The following PLRG1 variants were observed in gnomAD, a reference collection of about 807,000 sequenced individuals.
The protein encoded by PLRG1 is pleiotropic regulator 1, also known as pleiotropic regulator 1 (PRL1 homolog, Arabidopsis).
A neutral mutation model predicts 74.9 loss-of-function variants in PLRG1; 28 were observed. The ratio of observed to expected loss-of-function variants is 0.37; its 90% confidence interval spans 0.28 to 0.51. PLRG1 has a LOEUF of 0.51. Ranked by LOEUF, PLRG1 falls within the 20% of genes least tolerant of loss-of-function variation. The pLI is 0.91. For synonymous variants in PLRG1, 197 were observed against 212.4 expected (o/e 0.93, Z 0.63); for missense variants, 445 against 631.9 (o/e 0.70, Z 3.17).
Position 154,548,806 on chromosome 4 carries a change from T to TG in PLRG1, c.116+22dup, listed in dbSNP as rs779801612. ...TTAGAATGTTAAGTATTTTAGCAAT[T>TG]GAAAAAAAAAAACTACACCAACCTC... On this transcript the variant is annotated intron_variant, in intron 2 of 14. Transcript: ENST00000499023. 4.3e-5 allele frequency: 44 copies of TG among 1,020,624 alleles called. No individual in the cohort carries two copies. In the African/African-American group the frequency reaches 6.4e-4, roughly 15 times the overall value. 63.2% of individuals were successfully genotyped at this position (1,020,624 alleles called of 1,614,324 possible). A position where few individuals can be genotyped will look rare whatever the true frequency, so the allele number is the denominator to read the frequency against.
At chr4:154,538,903 A>G (rs1490594116) in intron 12 of PLRG1, 2 of 502,560 alleles carry the variant, frequency 4.0e-6, no homozygotes, top group Non-Finnish European at 7.1e-6. Context: ...GTTATCAAGT[A>G]GAAGGCTTTC....
chr4:154,545,981 C>A, intron 5 of PLRG1, 58 bp from the exon 6 acceptor site: 1 of 1,180,394 alleles, frequency 8.5e-7, no homozygotes, highest in Admixed American at 2.1e-5. Context: ...ATGTATTCTG[C>A]AAAACTAACC....
At position 154,547,753 on chromosome 4, in the gene PLRG1, C is replaced by A. The variant is rs778267997; in HGVS notation, c.217G>T (p.Ala73Ser). 1 of 1,613,078 alleles carries A rather than the reference C, an allele frequency of 6.2e-7. No homozygotes were observed. Among genetic ancestry groups the A allele is most frequent in the East Asian group, 2.2e-5 (1 of 44,846 alleles). The change falls in exon 3 of 15, where the codon GCA becomes TCA. Residue 73 changes from alanine (A) to serine (S), a missense_variant. Ala to Ser is a moderately conservative substitution (Grantham distance 99). Transcript: ENST00000499023. Reference sequence around the variant, plus strand: ...TGTTTATGAACATATGAATCCGTTGCATTCTGAGGACCCTTCTCTTTAAGA... The same window carrying A: ...TGTTTATGAACATATGAATCCGTTGAATTCTGAGGACCCTTCTCTTTAAGA... ...ENLKEKGPQN[A>S]TDSYVHKQYP...
chr4:154,537,207 C>T (rs1393091926), intron 14 of PLRG1, 79 bp downstream of exon 14: 24 of 808,836 alleles, frequency 3.0e-5, no homozygotes, highest in Non-Finnish European at 4.3e-5. Context: ...GATTATTTTT[C>T]CTTCTGATAA....
intron 3 of PLRG1, 35 bp downstream of exon 3, chr4:154,547,676 T>G: frequency 6.3e-7 from 1 of 1,586,132 alleles, no homozygotes; most frequent in Non-Finnish European, 8.6e-7. Flanking sequence ...AAAATTCACA[T>G]ATAAGTCTGA....
At chr4:154,539,050 G>T in intron 12 of PLRG1, 55 bp downstream of exon 12, 1 of 1,023,950 alleles carries the variant, frequency 9.8e-7, no homozygotes, top group Non-Finnish European at 1.6e-6. Context: ...TAGCATTTCA[G>T]CATTATCTTA....
Position 154,548,929 on chromosome 4 carries a change from G to T in PLRG1, c.16C>A (p.Gln6Lys). Residue 6 changes from glutamine (Q) to lysine (K), a missense_variant, in exon 2 of 15, where the codon CAG becomes AAG. Gln to Lys is a moderately conservative substitution (Grantham distance 53). This residue lies in a region of PLRG1 where 18 missense variants were observed against 43.4 expected (regional missense o/e 0.41). Coordinates refer to ENST00000499023, the MANE Select transcript of PLRG1 (RefSeq NM_002669.4). MVEEVQKHSVHTLVFR... is the reference protein window; with the variant it reads MVEEVKKHSVHTLVFR... Reference sequence around the variant, plus strand: ...ACAAGGGTGTGTACAGAATGTTTCTGTACCTCCTAAAAAAAAAGAATGTAA... The same window carrying T: ...ACAAGGGTGTGTACAGAATGTTTCTTTACCTCCTAAAAAAAAAGAATGTAA... 1 of 1,564,422 alleles carries T rather than the reference G, an allele frequency of 6.4e-7. No individual in the cohort carries two copies. Among genetic ancestry groups the T allele is most frequent in the Non-Finnish European group, 8.8e-7 (1 of 1,135,288 alleles).
At chr4:154,539,844 T>A in intron 11 of PLRG1, 107 bp downstream of exon 11, 1 of 723,568 alleles carries the variant, frequency 1.4e-6, no homozygotes, top group Non-Finnish European at 2.5e-6. Flanking sequence ...ACAGAAACAC[T>A]GTAAACACAA....
chr4:154,540,669 T>A lies in PLRG1; in HGVS notation c.864A>T (p.Leu288Phe). ...GCAAATCCAAACCATACACTGCACT[T>A]AAATGTCCATGATAATGCCGTATAA... is the stretch of plus-strand genomic sequence containing the variant. ...NKVIRHYHGH[L>F]SAVYGLDLHP... Residue 288 changes from leucine (L) to phenylalanine (F), a missense_variant, in exon 10 of 15, where the codon TTA becomes TTT. Around this residue, in one of 3 missense-constraint regions of PLRG1, gnomAD observed 221 missense variants for 377.7 expected, o/e 0.59. Transcript: ENST00000499023. 6.2e-7 allele frequency: 1 copy of A among 1,613,494 alleles called. No individual in the cohort carries two copies. The highest frequency in any genetic ancestry group is 8.5e-7 in the Non-Finnish European group (1 of 1,179,466).
chr4:154,550,175 G>A, intron 1 of PLRG1, 125 bp downstream of exon 1: 1 of 929,226 alleles, frequency 1.1e-6, no homozygotes, highest in Non-Finnish European at 1.8e-6. Flanking sequence ...CTCGGCCTTG[G>A]CCAAATAGCT....
chr4:154,547,988 A>G (rs547254220), intron 2 of PLRG1, 135 bp from the exon 3 acceptor site: 7 of 615,616 alleles, frequency 1.1e-5, no homozygotes, highest in Non-Finnish European at 1.9e-5. Flanking sequence ...AAAAATTTCC[A>G]AGGGCATTTC....
At chr4:154,537,096 TA>T (rs1729465641) in intron 14 of PLRG1, among the ~76,000 whole-genome samples, 189 bp downstream of exon 14, 1 of 152,230 alleles carries the variant, frequency 6.6e-6, no homozygotes, top group African/African-American at 2.4e-5. Flanking sequence ...GAAGTTGGGA[TA>T]AAATTAAAGC....
chr4:154,547,564 C>G, intron 3 of PLRG1, 147 bp downstream of exon 3: 1 of 698,756 alleles, frequency 1.4e-6, no homozygotes, highest in Non-Finnish European at 2.4e-6. Flanking sequence ...CCATGAGGAT[C>G]AAAACTTCCA....
intron 1 of PLRG1, 85 bp from the exon 2 acceptor site, chr4:154,549,020 G>T: frequency 1.3e-6 from 1 of 798,488 alleles, no homozygotes; most frequent in Non-Finnish European, 2.1e-6. Context: ...CACTTCACGT[G>T]TTTAAATATG....
At chr4:154,545,517 A>T (rs1020643781) in intron 6 of PLRG1, among the ~76,000 whole-genome samples, 15 of 72,240 alleles carry the variant, frequency 2.1e-4, no homozygotes, top group African/African-American at 4.3e-4. Flanking sequence ...AAATTTAATA[A>T]AAAAAAAAAG....
At chr4:154,546,899 G>A (rs562713257) in intron 4 of PLRG1, 112 bp downstream of exon 4, 2 of 801,764 alleles carry the variant, frequency 2.5e-6, no homozygotes, top group South Asian at 2.8e-5. Context: ...TGGATGCTTG[G>A]CTACTGAGCT....
At chr4:154,539,361 A>G in intron 11 of PLRG1, 148 bp from the exon 12 acceptor site, 1 of 580,540 alleles carries the variant, frequency 1.7e-6, no homozygotes. Context: ...ATTTCTTCAT[A>G]GTTCCAAATT....
At position 154,544,439 on chromosome 4, in the gene PLRG1, A is replaced by G; in HGVS notation, c.594+6T>C. 1 of 1,487,500 alleles carries G rather than the reference A, an allele frequency of 6.7e-7. No homozygotes were observed. Among genetic ancestry groups the G allele is most frequent in the Non-Finnish European group, 9.4e-7 (1 of 1,064,840 alleles). The allele number at this position is 1,487,500 out of a possible 1,614,324, so 92.1% of individuals were successfully genotyped here. ...CACATAATAAAATAAATGCAGAGTC[A>G]CTCACCCTGTAGAGTTTCCACGGTG... On this transcript the variant is annotated splice_donor_region_variant and intron_variant, in intron 7 of 14. Coordinates refer to ENST00000499023, the MANE Select transcript of PLRG1 (RefSeq NM_002669.4).
Position 154,544,519 on chromosome 4 carries a change from T to A in PLRG1, c.520A>T (p.Asn174Tyr). ...SIVMETGNTK[N>Y]SALMAKKAPT... ...GCTTTTTTAGCCATCAGTGCAGAGT[T>A]CTTGGTATTGCCAGTCTCCATGACA... The change falls in exon 7 of 15, where the codon AAC becomes TAC. Residue 174 changes from asparagine (N) to tyrosine (Y), a missense_variant. Transcript: ENST00000499023. 6.2e-7 allele frequency: 1 copy of A among 1,610,590 alleles called. No individual in the cohort carries two copies. Among genetic ancestry groups the A allele is most frequent in the Non-Finnish European group, 8.5e-7 (1 of 1,176,856 alleles).
Sources: gnomAD v4.1 joint callset for allele counts (sites outside exome capture counted in the v4.1 genomes callset) on GRCh38, gnomAD v4.1.1 for gene constraint, gnomAD v4.1.1 regional missense constraint, MANE v1.5 for transcripts, NCBI Gene and HGNC (gene_info 2026-07-23, HGNC 2026-07-21) for gene names.